Variants in MYO9B observed in about 807,000 individuals in gnomAD.
MYO9B encodes unconventional myosin-IXb.
Under a neutral mutation model 229.5 loss-of-function variants are expected in MYO9B, and 71 were observed. The ratio of observed to expected loss-of-function variants is 0.31; its 90% CI spans 0.26 to 0.38. MYO9B has a LOEUF of 0.38. Ranked by LOEUF, MYO9B falls within the 10% of genes least tolerant of loss-of-function variation. The pLI is 1.00. For synonymous variants in MYO9B, 1,185 were observed against 1,235.8 expected, an observed-to-expected ratio of 0.96 and a Z score of 0.86; for missense variants, 2,255 against 2,920.5, an observed-to-expected ratio of 0.77 and a Z score of 5.25.
intron 1 of MYO9B, chr19:17,099,142 G>T (rs62127864): frequency 0.14 from 21,384 of 151,664 alleles, 1,789 homozygotes; most frequent in Non-Finnish European, 0.2. Context: ...GGGCATGGTG[G>T]TGGGCGCCTG....
intron 2 of MYO9B, among the ~76,000 whole-genome samples, chr19:17,136,864 G>C (rs1334100297): frequency 1.3e-5 from 2 of 152,274 alleles, no homozygotes; most frequent in Non-Finnish European, 2.9e-5. Context: ...GGCTGAGATG[G>C]AAGGATTGCT....
intron 1 of MYO9B, among the ~76,000 whole-genome samples, chr19:17,091,109 AAAAT>A (rs2057633479): frequency 6.6e-6 from 1 of 152,254 alleles, no homozygotes; most frequent in Admixed American, 6.5e-5. Flanking sequence ...CCACATGTAT[AAAAT>A]AACGCCATGT....
At chr19:17,175,617 C>G in intron 13 of MYO9B, 46 bp from the exon 14 acceptor site, 1 of 1,428,838 alleles carries the variant, frequency 7.0e-7, no homozygotes, top group East Asian at 2.5e-5. Flanking sequence ...ATTGCAGCCT[C>G]CATAGGAGGC....
chr19:17,095,747 T>G (rs917664611), intron 1 of MYO9B: 1 of 152,234 alleles, frequency 6.6e-6, no homozygotes, highest in Admixed American at 6.5e-5. Flanking sequence ...TATGTAGTTA[T>G]GTAATCTCTT....
At chr19:17,164,662 G>A (rs544899092) in intron 10 of MYO9B, among the ~76,000 whole-genome samples, 74 of 152,312 alleles carry the variant, frequency 4.9e-4, no homozygotes, top group African/African-American at 1.6e-3. Flanking sequence ...GATTATAGGC[G>A]TGAGCCACCG....
At chr19:17,141,940 GC>G (rs2145218025) in intron 2 of MYO9B, among the ~76,000 whole-genome samples, 1 of 152,260 alleles carries the variant, frequency 6.6e-6, no homozygotes, top group East Asian at 1.9e-4. Flanking sequence ...CCTTTCGGAG[GC>G]CGAGTTGGAA....
chr19:17,194,758 C>A lies in MYO9B; in HGVS notation c.3331C>A (p.Leu1111Ile), dbSNP rs1384508207. 1 of 1,613,172 alleles carries A rather than the reference C, an allele frequency of 6.2e-7. No homozygotes were observed. Among genetic ancestry groups the A allele is most frequent in the Non-Finnish European group, 8.5e-7 (1 of 1,179,848 alleles). The change falls in exon 22 of 40, where the codon CTA (leucine) becomes ATA (isoleucine). Residue 1111 changes from leucine (L) to isoleucine (I), a missense_variant. Transcript: ENST00000682292. ...PEVQPSDRSP[L>I]EHSSPEKEAP... Reference sequence around the variant, plus strand: ...GGTGCAGCCAAGTGACAGGTCCCCCCTAGAGCACTCCTCACCTGAGAAGGA... The same window carrying A: ...GGTGCAGCCAAGTGACAGGTCCCCCATAGAGCACTCCTCACCTGAGAAGGA...
intron 1 of MYO9B, among the ~76,000 whole-genome samples, chr19:17,086,409 G>C (rs2057583821): frequency 6.6e-6 from 1 of 152,184 alleles, no homozygotes; most frequent in South Asian, 2.1e-4. Context: ...GCAACCATTT[G>C]CCCTGAGCGC....
chr19:17,165,299 T>G, intron 10 of MYO9B, among the ~76,000 whole-genome samples: 1 of 151,144 alleles, frequency 6.6e-6, no homozygotes. Flanking sequence ...AGGTCGAGGC[T>G]GCAATGAGCT....
intron 1 of MYO9B, among the ~76,000 whole-genome samples, chr19:17,091,121 T>C (rs539672874): frequency 1.6e-4 from 24 of 152,300 alleles, no homozygotes; most frequent in Admixed American, 5.9e-4. Context: ...AATAACGCCA[T>C]GTGTAGTATT....
chr19:17,192,666 G>A, intron 20 of MYO9B, 80 bp from the exon 21 acceptor site: 1 of 1,242,036 alleles, frequency 8.1e-7, no homozygotes, highest in South Asian at 1.7e-5. Flanking sequence ...TCACTCTGGA[G>A]TGGGCTATGC....
intron 3 of MYO9B, among the ~76,000 whole-genome samples, chr19:17,147,970 C>G (rs1599369823): frequency 6.6e-6 from 1 of 152,150 alleles, no homozygotes; most frequent in Admixed American, 6.5e-5. Flanking sequence ...GCGTGAGCCA[C>G]TGCGCCTGGC....
At chr19:17,082,267 G>A (rs891199361) in intron 1 of MYO9B, among the ~76,000 whole-genome samples, 1 of 152,162 alleles carries the variant, frequency 6.6e-6, no homozygotes, top group African/African-American at 2.4e-5. Context: ...TGAAGGTGCC[G>A]GCAGCAGGCG....
At chr19:17,137,658 G>A (rs1441426747) in intron 2 of MYO9B, among the ~76,000 whole-genome samples, 1 of 152,202 alleles carries the variant, frequency 6.6e-6, no homozygotes, top group Non-Finnish European at 1.5e-5. Context: ...TCCAGCCACA[G>A]CAACTGTCCG....
chr19:17,080,974 C>T (rs1488796064), intron 1 of MYO9B, among the ~76,000 whole-genome samples: 1 of 152,008 alleles, frequency 6.6e-6, no homozygotes, highest in Non-Finnish European at 1.5e-5. Context: ...GGACACAGCT[C>T]AGCCCATAAT....
intron 22 of MYO9B, among the ~76,000 whole-genome samples, chr19:17,196,362 T>G: frequency 6.6e-6 from 1 of 151,828 alleles, no homozygotes; most frequent in African/African-American, 2.4e-5. Context: ...CATGGATGGA[T>G]GGATGATACA....
At chr19:17,194,534 G>A in intron 21 of MYO9B, 22 bp from the exon 22 acceptor site, 2 of 1,608,968 alleles carry the variant, frequency 1.2e-6, no homozygotes, top group African/African-American at 2.7e-5. Context: ...TGAACCAGCT[G>A]TCTGCTTTTT....
intron 1 of MYO9B, among the ~76,000 whole-genome samples, chr19:17,086,242 C>CTTCT (rs772956477): frequency 1.3e-5 from 2 of 152,196 alleles, no homozygotes; most frequent in Non-Finnish European, 2.9e-5. Flanking sequence ...CCCATCTCAG[C>CTTCT]TTCTCTCTCC....
intron 2 of MYO9B, among the ~76,000 whole-genome samples, chr19:17,112,285 TG>T (rs1204556269): frequency 2.6e-5 from 4 of 151,306 alleles, no homozygotes; most frequent in African/African-American, 9.7e-5. Flanking sequence ...GGACACCAGG[TG>T]GGACCAGGAG....
Sources: gnomAD v4.1 joint callset for allele counts (sites outside exome capture counted in the v4.1 genomes callset) on GRCh38, gnomAD v4.1.1 for gene constraint, MANE v1.5 for transcripts, NCBI Gene and HGNC (gene_info 2026-07-23, HGNC 2026-07-21) for gene names.